Variants in ZNF69 observed in about 807,000 individuals in gnomAD.
ZNF69 encodes zinc finger protein 69.
A neutral mutation model predicts 50.9 loss-of-function variants in ZNF69; 47 were observed. The observed-to-expected ratio is 0.92, with a 90% CI of 0.73 to 1.18. ZNF69 has a LOEUF of 1.18. Among genes scored for constraint, ZNF69 ranks in the 50% most tolerant of loss-of-function variants. ZNF69 has a pLI of 0.00. For synonymous variants in ZNF69, 216 were observed against 223.1 expected (o/e 0.97, Z 0.29); for missense variants, 717 against 675.1 (o/e 1.06, Z -0.69).
chr19:11,944,576 C>T, the ZNF69 span, among the ~76,000 whole-genome samples: 14 of 152,310 alleles, frequency 9.2e-5, no homozygotes, highest in Non-Finnish European at 1.5e-4. Context: ...AAGAAGCACA[C>T]GGGTTACTTC....
intron 1 of ZNF69, among the ~76,000 whole-genome samples, chr19:11,897,252 C>T (rs1042219214): frequency 2.0e-5 from 3 of 152,134 alleles, no homozygotes; most frequent in Non-Finnish European, 4.4e-5. Context: ...GAGGCTGAGG[C>T]AGGAGAATCA....
the ZNF69 span, among the ~76,000 whole-genome samples, chr19:11,977,867 TCA>T: frequency 6.6e-6 from 1 of 152,052 alleles, no homozygotes; most frequent in African/African-American, 2.4e-5. Flanking sequence ...GAAAGAAAAA[TCA>T]CACAGAGTAT....
the ZNF69 span, among the ~76,000 whole-genome samples, chr19:11,957,752 T>C: frequency 6.6e-6 from 1 of 151,772 alleles, no homozygotes; most frequent in East Asian, 1.9e-4. Context: ...GACTGAGGCA[T>C]GAGAATCACT....
the ZNF69 span, among the ~76,000 whole-genome samples, chr19:11,946,549 GTGTC>G: frequency 5.6e-4 from 85 of 152,260 alleles, 2 homozygotes; most frequent in South Asian, 0.018. Flanking sequence ...CTGTAACTAA[GTGTC>G]TGTGTACAGG....
At chr19:11,904,620 C>G in intron 3 of ZNF69, 29 bp from the exon 4 acceptor site, 1 of 1,600,476 alleles carries the variant, frequency 6.2e-7, no homozygotes, top group Non-Finnish European at 8.5e-7. Context: ...TAAACAAACC[C>G]TTTGTAATGT....
In ZNF69 at chr19:11,905,600, T is replaced by C. The variant is rs1198587808; in HGVS notation, c.1203T>C (p.Ser401=). 6.2e-7 allele frequency: 1 copy of C among 1,613,498 alleles called. No individual in the cohort carries two copies. Among genetic ancestry groups the C allele is most frequent in the Admixed American group, 1.7e-5 (1 of 59,976 alleles). The change falls in exon 4 of 4, where the codon AGT becomes AGC. Residue 401 remains serine, a synonymous_variant. Transcript: ENST00000429654. Reference sequence around the variant, plus strand: ...GTGGTAAAGCCTTCATTCATTCCAGTTCCCTTCGTTATCATGAAAGGATTC... The same window carrying C: ...GTGGTAAAGCCTTCATTCATTCCAGCTCCCTTCGTTATCATGAAAGGATTC... ...KQCGKAFIHS[S]SLRYHERIHT...
chr19:11,975,565 T>C, the ZNF69 span, among the ~76,000 whole-genome samples: 790 of 151,962 alleles, frequency 5.2e-3, 4 homozygotes, highest in African/African-American at 0.015. Context: ...GTCCAGCCAA[T>C]TTTTCGTATT....
At chr19:11,962,109 C>T in the ZNF69 span, among the ~76,000 whole-genome samples, 1 of 152,116 alleles carries the variant, frequency 6.6e-6, no homozygotes, top group African/African-American at 2.4e-5. Context: ...AAACTGTGCT[C>T]GGCCAAATGA....
chr19:11,975,904 C>G, the ZNF69 span, among the ~76,000 whole-genome samples: 1 of 151,776 alleles, frequency 6.6e-6, no homozygotes, highest in Non-Finnish European at 1.5e-5. Context: ...TGTGTACTTA[C>G]AGTGCCAGGT....
the ZNF69 span, among the ~76,000 whole-genome samples, chr19:11,941,982 A>AC: frequency 1 from 152,206 of 152,214 alleles, 76,099 homozygotes; most frequent in Middle Eastern, 1. Context: ...TGCTTATTAC[A>AC]CCTGGTATCT....
intron 1 of ZNF69, among the ~76,000 whole-genome samples, chr19:11,896,815 G>C (rs1306998863): frequency 2.0e-5 from 3 of 152,004 alleles, no homozygotes; most frequent in African/African-American, 7.3e-5. Flanking sequence ...TTTAGAAGTA[G>C]TTTTTTCTTA....
At chr19:11,931,481 GA>G in the ZNF69 span, among the ~76,000 whole-genome samples, 7 of 148,248 alleles carry the variant, frequency 4.7e-5, 1 homozygote, top group Non-Finnish European at 1.0e-4. Context: ...ATTAATGTAT[GA>G]TTTTTTTGGA....
the ZNF69 span, chr19:11,949,106 C>T: frequency 1.9e-6 from 3 of 1,612,220 alleles, no homozygotes; most frequent in Admixed American, 1.7e-5. Flanking sequence ...GGAGAAAGAC[C>T]TTATAAATGT....
downstream of ZNF69, among the ~76,000 whole-genome samples, chr19:11,916,234 A>C (rs1599269313): frequency 6.6e-6 from 1 of 152,206 alleles, no homozygotes; most frequent in Non-Finnish European, 1.5e-5. Context: ...TTGTAAGTAA[A>C]AATAGAAATA....
chr19:11,971,448 T>C, the ZNF69 span, among the ~76,000 whole-genome samples: 76,330 of 152,028 alleles, frequency 0.5, 19,619 homozygotes, highest in East Asian at 0.66. Context: ...CAAATATTCA[T>C]GCCGTAACAC....
chr19:11,924,880 A>G, the ZNF69 span, among the ~76,000 whole-genome samples: 2 of 152,184 alleles, frequency 1.3e-5, no homozygotes. Context: ...TCTTCTATCA[A>G]TAGCAAGTTT....
the ZNF69 span, chr19:11,948,206 C>T: frequency 1.0e-5 from 16 of 1,529,870 alleles, no homozygotes; most frequent in Middle Eastern, 2.0e-4. Context: ...AATGCAAGTG[C>T]AATACTTGTT....
At chr19:11,961,229 T>TGA in the ZNF69 span, among the ~76,000 whole-genome samples, 4 of 151,922 alleles carry the variant, frequency 2.6e-5, no homozygotes, top group African/African-American at 7.3e-5. Context: ...ATGGGATTAG[T>TGA]GAGAGAGAGA....
chr19:11,949,706 A>G, the ZNF69 span: 1 of 1,614,038 alleles, frequency 6.2e-7, no homozygotes, highest in Admixed American at 1.7e-5. Context: ...CACACTGGAG[A>G]GAAACCCTAT....
Sources: gnomAD v4.1 joint callset for allele counts (sites outside exome capture counted in the v4.1 genomes callset) on GRCh38, gnomAD v4.1.1 for gene constraint, MANE v1.5 for transcripts, NCBI Gene and HGNC (gene_info 2026-07-23, HGNC 2026-07-21) for gene names.